The following DACH1 variants were observed in gnomAD, a reference collection of about 807,000 sequenced individuals.
The protein encoded by DACH1 is dachshund homolog 1.
In DACH1, 12 loss-of-function variants were observed where a neutral mutation model predicts 54.2. That is an observed-to-expected ratio of 0.22 (90% confidence interval 0.14 to 0.36). The LOEUF is 0.36. Ranked by LOEUF, DACH1 falls within the 10% of genes least tolerant of loss-of-function variation. The pLI is 1.00. For synonymous variants in DACH1, 386 were observed against 366.2 expected (o/e 1.05, Z -0.62); for missense variants, 805 against 929.8 (o/e 0.87, Z 1.75).
chr13:71,635,062 T>C lies in DACH1; in HGVS notation c.965-4345A>G, dbSNP rs373583700. 2.6e-5 allele frequency among the ~76,000 whole-genome samples: 4 copies of C among 152,198 alleles called. No individual in the cohort carries two copies. In the East Asian group the frequency reaches 5.8e-4, roughly 22 times the overall value. On this transcript the variant is annotated intron_variant, in intron 2 of 10. Coordinates refer to ENST00000613252, the MANE Select transcript of DACH1 (RefSeq NM_080759.6). ...TCGTATATATATCCCAAACATCTGC[T>C]GCGGTGCTTGGCACATATTGTCACT...
rs145747275 is a variant in DACH1 at position 71,628,029 on chromosome 13, A to G, written c.1126+2527T>C. On this transcript the variant is annotated intron_variant, in intron 3 of 10. Coordinates refer to ENST00000613252, the MANE Select transcript of DACH1 (RefSeq NM_080759.6). Reference sequence around the variant, plus strand: ...CATTGTAATAAATAATGTGACAAGTATTTTAATTCTCATGATATGATACTA... The same window carrying G: ...CATTGTAATAAATAATGTGACAAGTGTTTTAATTCTCATGATATGATACTA... 3.7e-4 allele frequency among the ~76,000 whole-genome samples: 56 copies of G among 152,258 alleles called. 1 individual carries two copies. The highest frequency in any genetic ancestry group is 1.3e-3 in the African/African-American group (55 of 41,578).
At chr13:71,779,199 ATATATGTG>A (rs1341160052) in intron 1 of DACH1, among the ~76,000 whole-genome samples, 2 of 118,218 alleles carry the variant, frequency 1.7e-5, no homozygotes, top group African/African-American at 7.8e-5. Context: ...GTATATACGT[ATATATGTG>A]TATATATATA....
At chr13:71,549,334 T>A (rs1479876154) in intron 6 of DACH1, among the ~76,000 whole-genome samples, 1 of 152,094 alleles carries the variant, frequency 6.6e-6, no homozygotes, top group Non-Finnish European at 1.5e-5. Context: ...AAACAATCTC[T>A]TAAACAGTGA....
At chr13:71,717,862 T>A (rs1883049054) in intron 1 of DACH1, among the ~76,000 whole-genome samples, 1 of 151,738 alleles carries the variant, frequency 6.6e-6, no homozygotes, top group Admixed American at 6.6e-5. Context: ...AAAACCAATA[T>A]GGAATTAGTA....
At chr13:71,553,651 AG>A (rs1287630911) in intron 6 of DACH1, among the ~76,000 whole-genome samples, 1 of 139,792 alleles carries the variant, frequency 7.2e-6, no homozygotes, top group African/African-American at 2.9e-5. Context: ...TTATATATAT[AG>A]TATATATATA....
intron 1 of DACH1, among the ~76,000 whole-genome samples, chr13:71,849,341 T>C (rs962770758): frequency 3.3e-5 from 5 of 152,290 alleles, no homozygotes; most frequent in African/African-American, 1.2e-4. Flanking sequence ...TTTGGCCACA[T>C]GTAACTGTCT....
intron 10 of DACH1, among the ~76,000 whole-genome samples, chr13:71,454,450 A>T (rs1019152316): frequency 3.9e-5 from 6 of 152,156 alleles, no homozygotes; most frequent in Non-Finnish European, 8.8e-5. Context: ...TGAGGAGAAT[A>T]TGGTAATAAT....
chr13:71,691,508 A>G (rs112142780), intron 1 of DACH1, among the ~76,000 whole-genome samples: 23 of 151,032 alleles, frequency 1.5e-4, no homozygotes, highest in Admixed American at 4.6e-4. Context: ...TAAAAGTAAT[A>G]GAGTCAGGTT....
chr13:71,594,420 A>G (rs1010169030), intron 3 of DACH1, among the ~76,000 whole-genome samples: 3 of 152,206 alleles, frequency 2.0e-5, no homozygotes, highest in African/African-American at 2.4e-5. Context: ...ACTTTTATAG[A>G]TATTTTATTA....
intron 1 of DACH1, among the ~76,000 whole-genome samples, chr13:71,778,092 CAATAAATA>C (rs369933133): frequency 0.084 from 11,599 of 138,820 alleles, 579 homozygotes; most frequent in Non-Finnish European, 0.1. Flanking sequence ...ACCCTGTCTA[CAATAAATA>C]AATAAATAAA....
intron 6 of DACH1, among the ~76,000 whole-genome samples, chr13:71,534,565 T>TGATGCCCA: frequency 6.6e-6 from 1 of 151,708 alleles, no homozygotes; most frequent in African/African-American, 2.4e-5. Context: ...AATGTTTTGA[T>TGATGCCCA]GATGCCCAAA....
rs1882478424 is a variant in DACH1, at chr13:71,706,921, T to C, written c.849-25011A>G. ...ATTTAAACTGTTTTAAAGACCGTAT[T>C]GATAAACTATGATTTTCATTTTAAT... On this transcript the variant is annotated intron_variant, in intron 1 of 10. Transcript: ENST00000613252. 2.0e-5 allele frequency among the ~76,000 whole-genome samples: 3 copies of C among 152,210 alleles called. No individual in the cohort carries two copies. In the South Asian group the frequency reaches 6.2e-4, roughly 31 times the overall value.
intron 1 of DACH1, among the ~76,000 whole-genome samples, chr13:71,823,061 T>A (rs981911343): frequency 6.6e-6 from 1 of 152,092 alleles, no homozygotes; most frequent in Non-Finnish European, 1.5e-5. Context: ...CCCTGACTCA[T>A]TATTTTCTAT....
intron 1 of DACH1, among the ~76,000 whole-genome samples, chr13:71,827,044 G>C (rs765220850): frequency 6.6e-6 from 1 of 152,060 alleles, no homozygotes; most frequent in African/African-American, 2.4e-5. Context: ...TATCTTGATA[G>C]TGGATTCTAA....
chr13:71,501,177 A>G (rs1879882280), intron 6 of DACH1, among the ~76,000 whole-genome samples: 1 of 152,152 alleles, frequency 6.6e-6, no homozygotes, highest in Non-Finnish European at 1.5e-5. Flanking sequence ...AAATTAAACT[A>G]TAACTCGATC....
intron 1 of DACH1, among the ~76,000 whole-genome samples, chr13:71,770,215 G>A (rs1010851956): frequency 1.1e-4 from 17 of 151,604 alleles, no homozygotes; most frequent in Non-Finnish European, 1.5e-4. Context: ...CCTTGCCTTC[G>A]TACGTTTTCT....
intron 7 of DACH1, among the ~76,000 whole-genome samples, chr13:71,486,812 T>TATC (rs1878556005): frequency 8.1e-4 from 34 of 41,760 alleles, no homozygotes; most frequent in South Asian, 1.4e-3. Context: ...ATTTATTTAT[T>TATC]TATCTATCTA....
At chr13:71,481,377 TA>T (rs1372321205) in intron 7 of DACH1, among the ~76,000 whole-genome samples, 1 of 152,228 alleles carries the variant, frequency 6.6e-6, no homozygotes, top group Non-Finnish European at 1.5e-5. Flanking sequence ...TCATTATGAA[TA>T]AACATGTTGA....
rs964364160 is a variant in DACH1, at chr13:71,653,869, G to A, written c.965-23152C>T. 6.6e-5 allele frequency among the ~76,000 whole-genome samples: 10 copies of A among 151,946 alleles called. No homozygotes were observed. In the South Asian group the frequency reaches 8.3e-4, roughly 13 times the overall value. The stretch of plus-strand genomic sequence containing the variant: ...TAACTATACTTAGCAATACTGTGAC[G>A]TATATTTGACATTTTCTACAGAGTA... On this transcript the variant is annotated intron_variant, in intron 2 of 10. Transcript: ENST00000613252.
Sources: allele counts gnomAD v4.1 joint callset (sites outside exome capture counted in the v4.1 genomes callset), GRCh38; gene constraint gnomAD v4.1.1; transcripts MANE v1.5; gene names NCBI Gene and HGNC (gene_info 2026-07-23, HGNC 2026-07-21).